The following NKAIN2 variants were observed in gnomAD, a reference collection of about 807,000 sequenced individuals.
NKAIN2 encodes sodium/potassium-transporting ATPase subunit beta-1-interacting protein 2.
A neutral mutation model predicts 32.6 loss-of-function variants in NKAIN2; 14 were observed. That is an observed-to-expected ratio of 0.43 (90% CI 0.28 to 0.67). The LOEUF (loss-of-function observed/expected upper bound fraction) is 0.67, where lower values mean the gene tolerates loss of function less well. Among genes scored for constraint, NKAIN2 ranks in the 30% least tolerant of loss-of-function variants. NKAIN2 has a pLI of 0.17. For synonymous variants in NKAIN2, 80 were observed against 87.2 expected (o/e 0.92, Z 0.46); for missense variants, 198 against 258.3 (o/e 0.77, Z 1.60).
At chr6:123,976,774 G>A (rs890906971) in intron 1 of NKAIN2, among the ~76,000 whole-genome samples, 1 of 152,050 alleles carries the variant, frequency 6.6e-6, no homozygotes, top group Non-Finnish European at 1.5e-5. Context: ...GAAGCAAAAT[G>A]TTCTACAAAA....
At chr6:124,199,748 A>G (rs1274704277) in intron 1 of NKAIN2, among the ~76,000 whole-genome samples, 5 of 152,288 alleles carry the variant, frequency 3.3e-5, no homozygotes, top group South Asian at 2.1e-4. Context: ...AAAATAGGTA[A>G]CAAGAAAATT....
At chr6:124,414,713 T>C (rs1774380691) in intron 3 of NKAIN2, among the ~76,000 whole-genome samples, 2 of 152,318 alleles carry the variant, frequency 1.3e-5, no homozygotes, top group Non-Finnish European at 1.5e-5. Flanking sequence ...TATTTCTTCT[T>C]AACTGAGTTT....
intron 3 of NKAIN2, among the ~76,000 whole-genome samples, chr6:124,539,117 T>A (rs538013777): frequency 4.6e-5 from 7 of 152,176 alleles, no homozygotes; most frequent in Non-Finnish European, 1.0e-4. Flanking sequence ...TGACACTAAG[T>A]AGAGATTCAG....
chr6:124,600,039 G>T (rs2114978692), intron 3 of NKAIN2, among the ~76,000 whole-genome samples: 1 of 152,212 alleles, frequency 6.6e-6, no homozygotes, highest in Non-Finnish European at 1.5e-5. Flanking sequence ...AAAGAGGTGT[G>T]AAAGCAGAAA....
chr6:124,355,294 A>C lies in NKAIN2; in HGVS notation c.220A>C (p.Thr74Pro). The C allele has an allele frequency of 1.2e-6, 2 of 1,610,052 alleles. No homozygotes were observed. The highest frequency in any genetic ancestry group is 1.7e-6 in the Non-Finnish European group (2 of 1,176,388). The change falls in exon 3 of 7, where the codon ACG becomes CCG. Residue 74 changes from threonine (T) to proline (P), a missense_variant. Physicochemically the swap from Thr to Pro is conservative, Grantham distance 38. Coordinates refer to ENST00000368417, the MANE Select transcript of NKAIN2 (RefSeq NM_001040214.3). Reference sequence around the variant, plus strand: ...TGCTGTCTGGCTAGTCCTCTGGGTTACGTGGAATGTGTTTGTTATCTGCTT... The same window carrying C: ...TGCTGTCTGGCTAGTCCTCTGGGTTCCGTGGAATGTGTTTGTTATCTGCTT... The part of the protein sequence containing the change: ...GYAVWLVLWV[T>P]WNVFVICFYL...
intron 1 of NKAIN2, among the ~76,000 whole-genome samples, chr6:124,109,098 A>G (rs1413320088): frequency 6.6e-6 from 1 of 151,910 alleles, no homozygotes; most frequent in Non-Finnish European, 1.5e-5. Flanking sequence ...AAATTATGCC[A>G]TTGGAATTTT....
intron 4 of NKAIN2, among the ~76,000 whole-genome samples, chr6:124,770,758 G>A (rs1403352390): frequency 3.3e-5 from 5 of 152,000 alleles, no homozygotes; most frequent in Admixed American, 2.6e-4. Context: ...AGACTATTAA[G>A]CCTCCAGAGG....
intron 6 of NKAIN2, chr6:124,819,142 A>G (rs1781289824): frequency 1.0e-6 from 1 of 969,332 alleles, no homozygotes; most frequent in Non-Finnish European, 1.2e-6. Context: ...ATCAAGTGAT[A>G]TGCTGAATTG....
chr6:124,293,112 G>C (rs951618476), intron 2 of NKAIN2, among the ~76,000 whole-genome samples: 1 of 152,054 alleles, frequency 6.6e-6, no homozygotes, highest in African/African-American at 2.4e-5. Flanking sequence ...ATAGCTATTA[G>C]TATTCAGTAA....
chr6:123,877,665 C>T (rs566089652), intron 1 of NKAIN2, among the ~76,000 whole-genome samples: 1 of 152,252 alleles, frequency 6.6e-6, no homozygotes, highest in Non-Finnish European at 1.5e-5. Context: ...AGTCTGCCTC[C>T]TCCTGTTCCT....
chr6:124,289,400 C>G (rs931401544), intron 2 of NKAIN2, among the ~76,000 whole-genome samples: 1 of 142,700 alleles, frequency 7.0e-6, no homozygotes, highest in Non-Finnish European at 1.5e-5. Context: ...TTTGCTTTTT[C>G]TAGAGCCAAC....
intron 3 of NKAIN2, among the ~76,000 whole-genome samples, chr6:124,368,578 C>G (rs1389649527): frequency 2.0e-5 from 3 of 152,058 alleles, no homozygotes; most frequent in Non-Finnish European, 4.4e-5. Context: ...GGAACATAAG[C>G]TAGCATTATT....
At chr6:124,186,540 C>A (rs971847596) in intron 1 of NKAIN2, among the ~76,000 whole-genome samples, 2 of 152,102 alleles carry the variant, frequency 1.3e-5, no homozygotes, top group African/African-American at 4.8e-5. Flanking sequence ...GCTTATGACC[C>A]TTAAGGAAAT....
intron 3 of NKAIN2, among the ~76,000 whole-genome samples, chr6:124,426,128 G>T (rs533379462): frequency 3.2e-4 from 48 of 152,208 alleles, no homozygotes; most frequent in African/African-American, 1.2e-3. Context: ...AAAGATTGTT[G>T]CAACAGTAAC....
At chr6:123,930,205 T>A (rs1021322178) in intron 1 of NKAIN2, among the ~76,000 whole-genome samples, 6 of 152,152 alleles carry the variant, frequency 3.9e-5, no homozygotes, top group African/African-American at 1.4e-4. Context: ...TTGATATTGT[T>A]TTACTGATAA....
chr6:124,168,519 T>C (rs937682328), intron 1 of NKAIN2, among the ~76,000 whole-genome samples: 7 of 152,056 alleles, frequency 4.6e-5, no homozygotes, highest in Non-Finnish European at 7.4e-5. Flanking sequence ...AAATGCTAAA[T>C]ATTAATATAA....
At chr6:124,060,196 A>T (rs940119045) in intron 1 of NKAIN2, among the ~76,000 whole-genome samples, 1 of 152,130 alleles carries the variant, frequency 6.6e-6, no homozygotes, top group East Asian at 1.9e-4. Context: ...TCACAATCAC[A>T]TTTGGCTTTC....
At chr6:124,193,165 C>T (rs1207360662) in intron 1 of NKAIN2, among the ~76,000 whole-genome samples, 1 of 152,214 alleles carries the variant, frequency 6.6e-6, no homozygotes, top group East Asian at 1.9e-4. Flanking sequence ...GCTTTTCTGG[C>T]TGGAAACTTG....
At chr6:124,186,254 GAAAA>G (rs1253018237) in intron 1 of NKAIN2, among the ~76,000 whole-genome samples, 1 of 151,464 alleles carries the variant, frequency 6.6e-6, no homozygotes, top group Non-Finnish European at 1.5e-5. Flanking sequence ...AGAAAGAAAA[GAAAA>G]AAGAAAAGAA....
Sources: allele counts gnomAD v4.1 joint callset (sites outside exome capture counted in the v4.1 genomes callset), GRCh38; gene constraint gnomAD v4.1.1; transcripts MANE v1.5; gene names NCBI Gene and HGNC (gene_info 2026-07-23, HGNC 2026-07-21).